The following LOXHD1 variants were observed in gnomAD, a reference collection of about 807,000 sequenced individuals.
The protein encoded by LOXHD1 is lipoxygenase homology domain-containing protein 1.
A neutral mutation model predicts 248.2 loss-of-function variants in LOXHD1; 205 were observed. The observed-to-expected ratio is 0.83, with a 90% CI of 0.74 to 0.93. The LOEUF is 0.93. Among genes scored for constraint, LOXHD1 ranks in the 40% least tolerant of loss-of-function variants. The pLI, the probability that LOXHD1 is intolerant of heterozygous loss-of-function variation, is 0.00. For synonymous variants in LOXHD1, 1,113 were observed against 1,162.8 expected (o/e 0.96, Z 0.87); for missense variants, 2,930 against 2,971.6 (o/e 0.99, Z 0.33).
intron 14 of LOXHD1, among the ~76,000 whole-genome samples, chr18:46,576,400 C>T (rs1166365363): frequency 1.3e-5 from 2 of 152,070 alleles, no homozygotes; most frequent in African/African-American, 4.8e-5. Flanking sequence ...CCTTCTCACT[C>T]CTTCCCCACA....
At chr18:46,528,658 G>A (rs1050162261) in intron 29 of LOXHD1, among the ~76,000 whole-genome samples, 5 of 149,998 alleles carry the variant, frequency 3.3e-5, no homozygotes, top group African/African-American at 4.9e-5. Context: ...GGAGCCACCT[G>A]GGGCTCTACA....
Position 46,483,877 on chromosome 18 carries a change from C to T in LOXHD1, c.6183-132G>A, listed in dbSNP as rs1257000004. ...TGGGATGGCAAGCAGGAGCTCATGG[C>T]AGTCCTGGAGGCTTTGAGGGGTTCA... On this transcript the variant is annotated intron_variant, in intron 39 of 40. Transcript: ENST00000642948. 7 of 1,089,488 alleles carry T rather than the reference C, an allele frequency of 6.4e-6. No homozygotes were observed. The South Asian group carries it at 7.8e-5, about 12-fold the overall frequency. 67.5% of individuals were successfully genotyped at this position (1,089,488 alleles called of 1,614,324 possible).
chr18:46,538,113 T>G, intron 26 of LOXHD1, 43 bp downstream of exon 26: 1 of 1,496,076 alleles, frequency 6.7e-7, no homozygotes, highest in Non-Finnish European at 9.0e-7. Flanking sequence ...TCTCCCTCTG[T>G]CTGACCTACT....
chr18:46,536,005 T>C (rs557443902), intron 26 of LOXHD1, among the ~76,000 whole-genome samples: 1 of 152,304 alleles, frequency 6.6e-6, no homozygotes, highest in African/African-American at 2.4e-5. Flanking sequence ...GGTGAAAGAA[T>C]TAGGCAGAGA....
At chr18:46,598,611 G>T (rs893999287) in intron 8 of LOXHD1, among the ~76,000 whole-genome samples, 3 of 151,746 alleles carry the variant, frequency 2.0e-5, no homozygotes, top group African/African-American at 7.3e-5. Flanking sequence ...TAGCAAAATG[G>T]CCATATGTAA....
At chr18:46,563,683 T>C (rs893898531) in intron 17 of LOXHD1, among the ~76,000 whole-genome samples, 17 of 152,148 alleles carry the variant, frequency 1.1e-4, no homozygotes, top group African/African-American at 3.6e-4. Flanking sequence ...CTAACCCCAA[T>C]ACCTCAGAAT....
At chr18:46,517,596 C>T (rs148425216) in intron 34 of LOXHD1, among the ~76,000 whole-genome samples, 1 of 151,878 alleles carries the variant, frequency 6.6e-6, no homozygotes, top group Non-Finnish European at 1.5e-5. Flanking sequence ...GTACAAGGAC[C>T]CTTGTCTTCT....
intron 25 of LOXHD1, among the ~76,000 whole-genome samples, chr18:46,541,506 T>TCTATG (rs1400421955): frequency 6.6e-5 from 10 of 152,256 alleles, no homozygotes; most frequent in Non-Finnish European, 1.3e-4. Flanking sequence ...AGATGAGGAA[T>TCTATG]CTGAACCCTC....
intron 34 of LOXHD1, among the ~76,000 whole-genome samples, chr18:46,511,109 G>A (rs369619024): frequency 6.6e-6 from 1 of 152,174 alleles, no homozygotes; most frequent in Admixed American, 6.5e-5. Flanking sequence ...TAAGGAAAAG[G>A]GGAGGAGAAA....
At chr18:46,571,127 A>T (rs2037743699) in intron 15 of LOXHD1, among the ~76,000 whole-genome samples, 1 of 152,112 alleles carries the variant, frequency 6.6e-6, no homozygotes, top group Non-Finnish European at 1.5e-5. Flanking sequence ...GAAATGGGAC[A>T]CTCTAGTTCA....
At chr18:46,513,197 ATATG>A (rs1490068636) in intron 34 of LOXHD1, among the ~76,000 whole-genome samples, 1 of 152,368 alleles carries the variant, frequency 6.6e-6, no homozygotes, top group African/African-American at 2.4e-5. Context: ...TTTTACATAT[ATATG>A]TATGTTCATG....
chr18:46,558,004 G>A lies in LOXHD1; in HGVS notation c.3217-515C>T, dbSNP rs73429193. ...AAGAGGGCCATATGGATCACACCAT[G>A]TGAATGCACACACTGCTCCATGCAC... On this transcript the variant is annotated intron_variant, in intron 20 of 40. Transcript: ENST00000642948. 1,896 of 998,948 alleles carry A rather than the reference G, an allele frequency of 1.9e-3. 32 individuals are homozygous for A. The African/African-American group carries it at 0.031, about 16-fold the overall frequency. 61.9% of individuals were successfully genotyped at this position (998,948 alleles called of 1,614,324 possible).
chr18:46,546,931 T>G lies in LOXHD1; in HGVS notation c.3478A>C (p.Asn1160His). Residue 1160 changes from asparagine (N) to histidine (H), a missense_variant, in exon 22 of 41, where the codon AAC (asparagine) becomes CAC (histidine). By Grantham distance (68) the Asn-to-His change is moderately conservative. Coordinates refer to ENST00000642948, the MANE Select transcript of LOXHD1 (RefSeq NM_001384474.1). ...QSEEGRGGGD[N>H]NPLDNLALEQ... The stretch of plus-strand genomic sequence containing the variant: ...AGGGCCAGGTTGTCGAGGGGGTTGT[T>G]GTCACCGCCTCCCCTACCCTCCTCG... 2 of 1,551,488 alleles carry G rather than the reference T, an allele frequency of 1.3e-6. No individual in the cohort carries two copies. The highest frequency in any genetic ancestry group is 8.7e-7 in the Non-Finnish European group (1 of 1,146,826).
intron 10 of LOXHD1, among the ~76,000 whole-genome samples, chr18:46,593,200 A>G (rs907921456): frequency 2.9e-5 from 2 of 69,754 alleles, no homozygotes; most frequent in African/African-American, 5.9e-5. Context: ...CTGAATTTTA[A>G]AAAAAGTTCT....
chr18:46,566,287 A>G lies in LOXHD1; in HGVS notation c.2407T>C (p.Tyr803His). 1 of 1,551,634 alleles carries G rather than the reference A, an allele frequency of 6.4e-7. No homozygotes were observed. The highest frequency in any genetic ancestry group is 8.7e-7 in the Non-Finnish European group (1 of 1,146,798). The stretch of plus-strand genomic sequence containing the variant: ...TGGATCTCCACCACCTCGCTGGGAT[A>G]CAGCTCCACCTCCAGGCGCCCGTCA... ...QADGRLEVEL[Y>H]PSEVVEIQKL... Residue 803 changes from tyrosine to histidine, a missense_variant, in exon 17 of 41, where the codon TAT becomes CAT. Transcript: ENST00000642948.
intron 28 of LOXHD1, among the ~76,000 whole-genome samples, chr18:46,532,658 A>C (rs1486637500): frequency 1.3e-5 from 2 of 152,220 alleles, no homozygotes; most frequent in Non-Finnish European, 2.9e-5. Flanking sequence ...GCCCATCCAG[A>C]AATTCATGAC....
At position 46,642,050 on chromosome 18, in the gene LOXHD1, G is replaced by A. The variant is rs139812523; in HGVS notation, c.246-14C>T. The A allele has an allele frequency of 9.2e-5, 143 of 1,550,756 alleles. No homozygotes were observed. Among genetic ancestry groups the A allele is most frequent in the East Asian group, 5.9e-4 (24 of 40,898 alleles). On this transcript the variant is annotated splice_polypyrimidine_tract_variant and intron_variant, in intron 2 of 40. Transcript: ENST00000642948. ...GCAGACTTGCTCCTGCAATGAACACGTGCAGTTAGTGCAGATCAGCTGTTG... is the reference window on the plus strand; with the variant it reads ...GCAGACTTGCTCCTGCAATGAACACATGCAGTTAGTGCAGATCAGCTGTTG...
chr18:46,633,428 G>A (rs911194722), intron 4 of LOXHD1, among the ~76,000 whole-genome samples: 1 of 152,198 alleles, frequency 6.6e-6, no homozygotes, highest in Non-Finnish European at 1.5e-5. Context: ...CACTGCAAAA[G>A]AGTGAAGTTG....
chr18:46,559,331 A>T, intron 20 of LOXHD1, 117 bp downstream of exon 20: 1 of 1,547,950 alleles, frequency 6.5e-7, no homozygotes, highest in South Asian at 1.2e-5. Context: ...ACCTGGTGGG[A>T]TGAACAAGTC....
Sources: allele counts gnomAD v4.1 joint callset (sites outside exome capture counted in the v4.1 genomes callset), GRCh38; gene constraint gnomAD v4.1.1; transcripts MANE v1.5; gene names NCBI Gene and HGNC (gene_info 2026-07-23, HGNC 2026-07-21).